NFIB: variants seen among roughly 807,000 people sequenced by gnomAD.
NFIB encodes the protein nuclear factor I B.
In NFIB, 11 loss-of-function variants were observed where a neutral mutation model predicts 61.5. The observed-to-expected ratio is 0.18, with a 90% CI of 0.11 to 0.30. NFIB has a LOEUF of 0.30. Among genes scored for constraint, NFIB ranks in the 10% least tolerant of loss-of-function variants. NFIB has a pLI of 1.00. For synonymous variants in NFIB, 260 were observed against 216.5 expected, an observed-to-expected ratio of 1.20 and a Z score of -1.76; for missense variants, 471 against 608.9, an observed-to-expected ratio of 0.77 and a Z score of 2.38.
At chr9:14,370,478 G>A (rs1158105633) in intron 1 of NFIB, among the ~76,000 whole-genome samples, 1 of 152,182 alleles carries the variant, frequency 6.6e-6, no homozygotes, top group East Asian at 1.9e-4. Flanking sequence ...TCACGTAGAA[G>A]GTGGGATAAT....
the NFIB span, among the ~76,000 whole-genome samples, chr9:14,423,610 C>T: frequency 6.6e-6 from 1 of 152,202 alleles, no homozygotes; most frequent in African/African-American, 2.4e-5. Context: ...TCTCATCCAT[C>T]ATTGTCCTCC....
At chr9:14,511,384 T>C in the NFIB span, among the ~76,000 whole-genome samples, 31 of 152,098 alleles carry the variant, frequency 2.0e-4, no homozygotes, top group African/African-American at 7.0e-4. Flanking sequence ...CATTTCCCTA[T>C]CAAATTTATG....
intron 1 of NFIB, among the ~76,000 whole-genome samples, chr9:14,355,137 T>C (rs879603114): frequency 4.2e-4 from 64 of 152,280 alleles, no homozygotes; most frequent in Middle Eastern, 6.8e-3. Context: ...GGCTGAACTG[T>C]GCCACTCCAA....
chr9:14,343,515 G>A (rs992407299), intron 1 of NFIB, among the ~76,000 whole-genome samples: 5 of 152,182 alleles, frequency 3.3e-5, no homozygotes, highest in African/African-American at 1.2e-4. Context: ...TGAAAGGGAT[G>A]TGGCTGTTGG....
chr9:14,194,065 C>A (rs1288126891), intron 2 of NFIB, among the ~76,000 whole-genome samples: 1 of 152,090 alleles, frequency 6.6e-6, no homozygotes, highest in Non-Finnish European at 1.5e-5. Context: ...ATCATTTCAA[C>A]TGAAAATACA....
chr9:14,446,548 T>G, the NFIB span, among the ~76,000 whole-genome samples: 1 of 152,194 alleles, frequency 6.6e-6, no homozygotes, highest in Non-Finnish European at 1.5e-5. Context: ...TTTCATTTCT[T>G]TCCTGTAAAA....
intron 2 of NFIB, among the ~76,000 whole-genome samples, chr9:14,188,295 C>A (rs1180308835): frequency 6.6e-6 from 1 of 150,814 alleles, no homozygotes; most frequent in African/African-American, 2.4e-5. Context: ...GGGAAAGAGT[C>A]CCTGGGAGCA....
the NFIB span, among the ~76,000 whole-genome samples, chr9:14,471,969 C>G: frequency 1.3e-5 from 2 of 152,226 alleles, no homozygotes; most frequent in Non-Finnish European, 2.9e-5. Context: ...GCCTCCATCT[C>G]CGACCTGCAG....
chr9:14,217,878 T>A (rs888689190), intron 2 of NFIB, among the ~76,000 whole-genome samples: 3 of 152,084 alleles, frequency 2.0e-5, no homozygotes, highest in African/African-American at 7.2e-5. Flanking sequence ...GCCACTGAGA[T>A]AAAATAGATA....
intron 2 of NFIB, among the ~76,000 whole-genome samples, chr9:14,189,447 G>A (rs2047699662): frequency 6.6e-6 from 1 of 152,064 alleles, no homozygotes; most frequent in African/African-American, 2.4e-5. Context: ...TAAGAGTTTA[G>A]TCTTAGTTGT....
At chr9:14,361,809 A>G (rs1183752944) in intron 1 of NFIB, 1 of 152,248 alleles carries the variant, frequency 6.6e-6, no homozygotes, top group Non-Finnish European at 1.5e-5. Context: ...AGGTTTACCA[A>G]TGACAGGAGT....
intron 2 of NFIB, among the ~76,000 whole-genome samples, chr9:14,225,721 T>C (rs986208915): frequency 6.6e-6 from 1 of 152,076 alleles, no homozygotes; most frequent in Non-Finnish European, 1.5e-5. Flanking sequence ...TTTGACTCTA[T>C]CAGAGTATCA....
At chr9:14,129,338 G>A (rs2040100817) in intron 6 of NFIB, among the ~76,000 whole-genome samples, 1 of 144,522 alleles carries the variant, frequency 6.9e-6, no homozygotes, top group African/African-American at 2.6e-5. Flanking sequence ...ACAGCATGCA[G>A]AAGGCACTAT....
the NFIB span, among the ~76,000 whole-genome samples, chr9:14,420,445 C>CAAAAA: frequency 9.5e-3 from 401 of 42,336 alleles, 39 homozygotes; most frequent in Middle Eastern, 0.025. Context: ...GACTCCGTCT[C>CAAAAA]AAAAAAAAAA....
chr9:14,121,968 A>C (rs2038996816), intron 7 of NFIB, among the ~76,000 whole-genome samples: 1 of 152,168 alleles, frequency 6.6e-6, no homozygotes, highest in Non-Finnish European at 1.5e-5. Flanking sequence ...ATAGAAATAC[A>C]AATTAAAACT....
At chr9:14,500,831 T>A in the NFIB span, among the ~76,000 whole-genome samples, 1 of 152,174 alleles carries the variant, frequency 6.6e-6, no homozygotes, top group Non-Finnish European at 1.5e-5. Flanking sequence ...ATCTACATGG[T>A]GTTTACAGGT....
At chr9:14,463,248 C>A in the NFIB span, among the ~76,000 whole-genome samples, 1 of 151,492 alleles carries the variant, frequency 6.6e-6, no homozygotes, top group South Asian at 2.1e-4. Context: ...GCTGCAGCTA[C>A]CCAGCAATAA....
chr9:14,224,916 C>T (rs1563919694), intron 2 of NFIB, among the ~76,000 whole-genome samples: 1 of 152,146 alleles, frequency 6.6e-6, no homozygotes, highest in Admixed American at 6.5e-5. Flanking sequence ...GGCTTTTTTA[C>T]CTTTTCTTAT....
intron 3 of NFIB, among the ~76,000 whole-genome samples, chr9:14,158,577 T>C (rs2043748138): frequency 6.6e-6 from 1 of 152,210 alleles, no homozygotes; most frequent in Admixed American, 6.5e-5. Context: ...TGCCTATATA[T>C]AGAGTAAGTA....
Sources: gnomAD v4.1 joint callset for allele counts (sites outside exome capture counted in the v4.1 genomes callset) on GRCh38, gnomAD v4.1.1 for gene constraint, MANE v1.5 for transcripts, NCBI Gene and HGNC (gene_info 2026-07-23, HGNC 2026-07-21) for gene names.